PHLPP1: variants seen among roughly 807,000 people sequenced by gnomAD.
PHLPP1 encodes the protein PH domain leucine-rich repeat-containing protein phosphatase 1.
In PHLPP1, 42 loss-of-function variants were observed where a neutral mutation model predicts 117.2. That is an observed-to-expected ratio of 0.36 (90% CI 0.28 to 0.46). The LOEUF (loss-of-function observed/expected upper bound fraction) is 0.46. Among genes scored for constraint, PHLPP1 ranks in the 20% least tolerant of loss-of-function variants. PHLPP1 has a pLI of 1.00. For synonymous variants in PHLPP1, 1,042 were observed against 970.7 expected (o/e 1.07, Z -1.37); for missense variants, 2,084 against 2,241.9 (o/e 0.93, Z 1.42).
chr18:62,759,798 T>C (rs34305670), intron 1 of PHLPP1, among the ~76,000 whole-genome samples: 8,639 of 152,300 alleles, frequency 0.057, 337 homozygotes, highest in Middle Eastern at 0.088. Flanking sequence ...ATGTATCATT[T>C]CATCATTAGC....
intron 3 of PHLPP1, among the ~76,000 whole-genome samples, chr18:62,859,997 A>C (rs1405725611): frequency 1.3e-5 from 2 of 152,230 alleles, no homozygotes; most frequent in African/African-American, 4.8e-5. Context: ...TTCATGGTGC[A>C]AACATCAGTG....
At chr18:62,875,013 G>A (rs922674855) in intron 4 of PHLPP1, among the ~76,000 whole-genome samples, 1 of 152,198 alleles carries the variant, frequency 6.6e-6, no homozygotes, top group African/African-American at 2.4e-5. Flanking sequence ...GGAGTACAGT[G>A]GCGCGATCTT....
At chr18:62,894,321 G>A (rs1916500117) in intron 4 of PHLPP1, among the ~76,000 whole-genome samples, 3 of 152,120 alleles carry the variant, frequency 2.0e-5, no homozygotes, top group African/African-American at 7.2e-5. Context: ...TCAGCCTCCT[G>A]AGTAGCTGGG....
At chr18:62,770,104 T>C (rs1242217971) in intron 1 of PHLPP1, among the ~76,000 whole-genome samples, 1 of 152,108 alleles carries the variant, frequency 6.6e-6, no homozygotes, top group East Asian at 1.9e-4. Flanking sequence ...TTTATTTTTA[T>C]TTTATTTTTA....
chr18:62,859,071 A>T (rs186434356), intron 3 of PHLPP1, among the ~76,000 whole-genome samples: 1 of 152,316 alleles, frequency 6.6e-6, no homozygotes, highest in Admixed American at 6.5e-5. Flanking sequence ...TGCCTTGTGT[A>T]ATTAGGAACA....
At chr18:62,955,973 G>A (rs368918073) in intron 12 of PHLPP1, among the ~76,000 whole-genome samples, 7 of 151,798 alleles carry the variant, frequency 4.6e-5, no homozygotes, top group Admixed American at 1.3e-4. Flanking sequence ...CAGTATTATC[G>A]GGTATCAGTT....
chr18:62,896,806 G>C (rs901943099), intron 6 of PHLPP1, among the ~76,000 whole-genome samples: 6 of 152,070 alleles, frequency 3.9e-5, no homozygotes, highest in Non-Finnish European at 8.8e-5. Flanking sequence ...ATATGGTTCA[G>C]CCTAGGAAAC....
At chr18:62,831,211 G>A (rs914530881) in intron 2 of PHLPP1, among the ~76,000 whole-genome samples, 1 of 151,990 alleles carries the variant, frequency 6.6e-6, no homozygotes, top group Non-Finnish European at 1.5e-5. Flanking sequence ...CATTGGTAAG[G>A]GTAGCATCAC....
intron 1 of PHLPP1, among the ~76,000 whole-genome samples, chr18:62,768,043 GC>G (rs1376197247): frequency 6.6e-6 from 1 of 152,172 alleles, no homozygotes; most frequent in African/African-American, 2.4e-5. Flanking sequence ...GAATCCATTA[GC>G]ACCTCTATAT....
In PHLPP1 at chr18:62,979,736, G is replaced by T; in HGVS notation, c.*305G>T. 3.5e-6 allele frequency: 1 copy of T among 282,476 alleles called. No individual in the cohort carries two copies. Among genetic ancestry groups the T allele is most frequent in the East Asian group, 6.5e-5 (1 of 15,352 alleles). 17.5% of individuals were successfully genotyped at this position (282,476 alleles called of 1,614,324 possible). A position where few individuals can be genotyped will look rare whatever the true frequency, so the allele number is the denominator to read the frequency against. ...TTACAGAGAAACAGTTAATGATAATGTAATATTTTTTAAAATGGCTTTTTG... is the reference window on the plus strand; with the variant it reads ...TTACAGAGAAACAGTTAATGATAATTTAATATTTTTTAAAATGGCTTTTTG... On this transcript the variant is annotated 3_prime_UTR_variant, in exon 17 of 17. Coordinates refer to ENST00000262719, the MANE Select transcript of PHLPP1 (RefSeq NM_194449.4).
At chr18:62,916,747 CTTTTTTTTTTTTTT>C (rs10538704) in intron 9 of PHLPP1, among the ~76,000 whole-genome samples, 8 of 71,090 alleles carry the variant, frequency 1.1e-4, no homozygotes, top group Admixed American at 2.3e-4. Flanking sequence ...TCCTTCTATT[CTTTTTTTTTTTTTT>C]TTTTTTTTTT....
At chr18:62,860,138 G>A (rs1006919746) in intron 3 of PHLPP1, among the ~76,000 whole-genome samples, 1 of 152,154 alleles carries the variant, frequency 6.6e-6, no homozygotes, top group Admixed American at 6.5e-5. Context: ...AAATATTTGT[G>A]TATCTAAACA....
intron 1 of PHLPP1, among the ~76,000 whole-genome samples, chr18:62,811,836 A>G (rs1374893002): frequency 1.3e-5 from 2 of 152,198 alleles, no homozygotes; most frequent in African/African-American, 4.8e-5. Flanking sequence ...TCTTAAGGTC[A>G]GTTTTTGAAC....
In PHLPP1 at chr18:62,914,081, A is replaced by G. The variant is rs140148107; in HGVS notation, c.2709-832A>G. ...TTTATAGTAACTGTAATTACCATCT[A>G]GTGCCCAAGTAAATGTTTTTAAATA... On this transcript the variant is annotated intron_variant, in intron 8 of 16. Coordinates refer to ENST00000262719, the MANE Select transcript of PHLPP1 (RefSeq NM_194449.4). Among the ~76,000 whole-genome samples, 37 of 152,244 alleles carry G rather than the reference A, an allele frequency of 2.4e-4. 1 individual carries two copies. The East Asian group carries it at 6.7e-3, about 28-fold the overall frequency.
intron 1 of PHLPP1, among the ~76,000 whole-genome samples, chr18:62,765,566 TC>T (rs1912443562): frequency 6.6e-6 from 1 of 152,238 alleles, no homozygotes; most frequent in Admixed American, 6.5e-5. Context: ...TTAATGGTCT[TC>T]CACTGTTTGT....
intron 4 of PHLPP1, among the ~76,000 whole-genome samples, chr18:62,874,463 T>A (rs761717428): frequency 6.6e-6 from 1 of 151,214 alleles, no homozygotes; most frequent in Non-Finnish European, 1.5e-5. Flanking sequence ...GAGCTGAGAT[T>A]GCGCCACTGC....
chr18:62,801,233 G>T (rs2144300349), intron 1 of PHLPP1, among the ~76,000 whole-genome samples: 1 of 151,402 alleles, frequency 6.6e-6, no homozygotes, highest in Non-Finnish European at 1.5e-5. Context: ...AGTAGAGACG[G>T]GGTTTCACCA....
chr18:62,855,943 G>C (rs953638228), intron 3 of PHLPP1, among the ~76,000 whole-genome samples: 2 of 152,178 alleles, frequency 1.3e-5, no homozygotes, highest in Non-Finnish European at 2.9e-5. Context: ...AGTACTCAAC[G>C]TGGGGTTATA....
chr18:62,802,374 A>G (rs1049665548), intron 1 of PHLPP1, among the ~76,000 whole-genome samples: 1 of 152,184 alleles, frequency 6.6e-6, no homozygotes, highest in Non-Finnish European at 1.5e-5. Flanking sequence ...ATTCGATTCC[A>G]GGGAAGGAAA....
Sources: gnomAD v4.1 joint callset for allele counts (sites outside exome capture counted in the v4.1 genomes callset) on GRCh38, gnomAD v4.1.1 for gene constraint, MANE v1.5 for transcripts, NCBI Gene and HGNC (gene_info 2026-07-23, HGNC 2026-07-21) for gene names.